The following ECSIT variants were observed in gnomAD, a reference collection of about 807,000 sequenced individuals.
ECSIT encodes the protein ECSIT signaling integrator.
A neutral mutation model predicts 36.8 loss-of-function variants in ECSIT; 29 were observed. The ratio of observed to expected loss-of-function variants is 0.79; its 90% CI spans 0.59 to 1.08. The LOEUF is 1.08. Ranked by LOEUF, ECSIT falls within the 50% of genes least tolerant of loss-of-function variation. The pLI is 0.00. For missense variants in ECSIT, 542 were observed against 581.0 expected (o/e 0.93, Z 0.69); for synonymous variants, 231 against 234.8 (o/e 0.98, Z 0.15).
Position 11,514,888 on chromosome 19 carries a change from C to T in ECSIT, c.97-667G>A, listed in dbSNP as rs140480898. Reference sequence around the variant, plus strand: ...GAGTCTCATTCTGTCACCCATGCTGCAGCGCAGTGGCGTGACCTCAGCCCA... The same window carrying T: ...GAGTCTCATTCTGTCACCCATGCTGTAGCGCAGTGGCGTGACCTCAGCCCA... On this transcript the variant is annotated intron_variant, in intron 2 of 7. Transcript: ENST00000270517. 2.4e-3 allele frequency among the ~76,000 whole-genome samples: 361 copies of T among 150,310 alleles called. 1 individual carries two copies. The highest frequency in any genetic ancestry group is 8.6e-3 in the African/African-American group (350 of 40,830).
intron 4 of ECSIT, among the ~76,000 whole-genome samples, chr19:11,511,657 T>C (rs1288040936): frequency 6.6e-6 from 1 of 152,028 alleles, no homozygotes; most frequent in Non-Finnish European, 1.5e-5. Context: ...TACAATGCAA[T>C]AGGATTAAGA....
At chr19:11,523,191 T>G (rs2145000029) in intron 1 of ECSIT, among the ~76,000 whole-genome samples, 1 of 152,300 alleles carries the variant, frequency 6.6e-6, no homozygotes, top group East Asian at 1.9e-4. Flanking sequence ...TTACTCAATG[T>G]GAAGACGATG....
intron 1 of ECSIT, chr19:11,523,900 G>T: frequency 2.4e-6 from 1 of 414,854 alleles, no homozygotes; most frequent in East Asian, 5.6e-5. Flanking sequence ...GAGACCTCTG[G>T]ACAACAGTGG....
intron 1 of ECSIT, among the ~76,000 whole-genome samples, chr19:11,527,083 T>G (rs995129486): frequency 1.3e-5 from 2 of 152,020 alleles, no homozygotes; most frequent in African/African-American, 4.8e-5. Context: ...TCCCAGCACT[T>G]TGGGAGGCTG....
At position 11,528,986 on chromosome 19, in the gene ECSIT, C is replaced by T. The variant is rs45527838; in HGVS notation, c.-24+76G>A. ...TGCAGCTGGGTCCCTCCAGGGCTGC[C>T]CTCTCGCGCTGCCGGGTCCTGAAGG... On this transcript the variant is annotated intron_variant, in intron 1 of 7. Transcript: ENST00000270517. 2.6e-5 allele frequency: 4 copies of T among 152,356 alleles called. No homozygotes were observed. In the East Asian group the frequency reaches 5.8e-4, roughly 22 times the overall value. The allele number at this position is 152,356 out of a possible 1,614,324, so 9.4% of individuals were successfully genotyped here. A position where few individuals can be genotyped will look rare whatever the true frequency, so the allele number is the denominator to read the frequency against.
rs1261431692 is a variant in ECSIT at position 11,506,137 on chromosome 19, T to G, written c.*47A>C. The G allele has an allele frequency of 6.3e-7, 1 of 1,594,152 alleles. No homozygotes were observed. Among genetic ancestry groups the G allele is most frequent in the African/African-American group, 1.3e-5 (1 of 74,772 alleles). On this transcript the variant is annotated 3_prime_UTR_variant, in exon 8 of 8. Coordinates refer to ENST00000270517, the MANE Select transcript of ECSIT (RefSeq NM_016581.5). ...CTCAAAGGGCATCTCATGCCTTCAG[T>G]CCACCGCCTCCTCGGGCCACAGCCC...
At chr19:11,526,475 C>A (rs745498880) in intron 1 of ECSIT, among the ~76,000 whole-genome samples, 1 of 152,188 alleles carries the variant, frequency 6.6e-6, no homozygotes, top group Non-Finnish European at 1.5e-5. Flanking sequence ...TCCATCCTAT[C>A]CAATCGCACC....
At chr19:11,525,006 G>A (rs1200974576) in intron 1 of ECSIT, among the ~76,000 whole-genome samples, 2 of 151,608 alleles carry the variant, frequency 1.3e-5, no homozygotes, top group Non-Finnish European at 2.9e-5. Context: ...ACAGGGTGGC[G>A]GGCGCCTATA....
intron 2 of ECSIT, among the ~76,000 whole-genome samples, chr19:11,517,102 G>T (rs944312301): frequency 5.9e-5 from 9 of 151,966 alleles, no homozygotes; most frequent in African/African-American, 2.2e-4. Context: ...CTAGGTGGGG[G>T]GTACTCTTAC....
Position 11,506,063 on chromosome 19 carries a change from G to T in ECSIT, c.*121C>A. The T allele has an allele frequency of 6.8e-7, 1 of 1,472,918 alleles. No individual in the cohort carries two copies. 91.2% of individuals were successfully genotyped at this position (1,472,918 alleles called of 1,614,324 possible). Reference sequence around the variant, plus strand: ...CTGGGGAGGGGATGCCATACTGCTAGAGATGAGGGAAGAGAGCCCCAAGCA... The same window carrying T: ...CTGGGGAGGGGATGCCATACTGCTATAGATGAGGGAAGAGAGCCCCAAGCA... On this transcript the variant is annotated 3_prime_UTR_variant, in exon 8 of 8. Transcript: ENST00000270517.
intron 2 of ECSIT, among the ~76,000 whole-genome samples, chr19:11,518,106 CACA>C (rs1270520385): frequency 6.7e-6 from 1 of 148,292 alleles, no homozygotes; most frequent in Non-Finnish European, 1.5e-5. Flanking sequence ...GTCTGGGCAA[CACA>C]ACAAGACCAT....
At position 11,519,164 on chromosome 19, in the gene ECSIT, A is replaced by G; in HGVS notation, c.7T>C (p.Trp3Arg). 2 of 1,549,814 alleles carry G rather than the reference A, an allele frequency of 1.3e-6. No individual in the cohort carries two copies. Among genetic ancestry groups the G allele is most frequent in the Non-Finnish European group, 1.7e-6 (2 of 1,146,884 alleles). The change falls in exon 2 of 8, where the codon TGG (tryptophan) becomes CGG (arginine). Residue 3 changes from tryptophan to arginine, a missense_variant. Trp to Arg is a moderately radical substitution (Grantham distance 101). Coordinates refer to ENST00000270517, the MANE Select transcript of ECSIT (RefSeq NM_016581.5). The surrounding 1 kb of genome is among the most constrained non-coding windows in gnomAD (Gnocchi z 4.4). MS[W>R]VQATLLARGL... ...CGGGCCAGTAGGGTGGCCTGGACCCAGCTCATGCCTCTGCTTGTCAGACAA... is the reference window on the plus strand; with the variant it reads ...CGGGCCAGTAGGGTGGCCTGGACCCGGCTCATGCCTCTGCTTGTCAGACAA...
At chr19:11,528,722 AC>A (rs1424232724) in intron 1 of ECSIT, 1 of 152,180 alleles carries the variant, frequency 6.6e-6, no homozygotes, top group Admixed American at 6.5e-5. Flanking sequence ...ATAAATCTGA[AC>A]CCCGAGGTAT....
chr19:11,512,952 C>G, intron 4 of ECSIT, 104 bp downstream of exon 4: 1 of 1,211,968 alleles, frequency 8.3e-7, no homozygotes, highest in Middle Eastern at 2.7e-4. Flanking sequence ...CAAAAAAGAA[C>G]TTGATTCACC....
chr19:11,523,188 A>G (rs575340235), intron 1 of ECSIT, among the ~76,000 whole-genome samples: 3 of 152,258 alleles, frequency 2.0e-5, no homozygotes, highest in South Asian at 4.1e-4. Flanking sequence ...AGCTTACTCA[A>G]TGTGAAGACG....
intron 7 of ECSIT, among the ~76,000 whole-genome samples, chr19:11,507,029 C>G (rs538150350): frequency 6.8e-4 from 104 of 152,304 alleles, no homozygotes; most frequent in African/African-American, 2.2e-3. Context: ...CTTGCTGACT[C>G]GAGGGACTAG....
At chr19:11,515,825 G>T (rs1971987503) in intron 2 of ECSIT, among the ~76,000 whole-genome samples, 1 of 152,152 alleles carries the variant, frequency 6.6e-6, no homozygotes, top group Non-Finnish European at 1.5e-5. Context: ...GTAGAGACAG[G>T]GTTTCACCAT....
chr19:11,514,899 C>T (rs1056891024), intron 2 of ECSIT, among the ~76,000 whole-genome samples: 3 of 150,500 alleles, frequency 2.0e-5, no homozygotes. Context: ...AGCGCAGTGG[C>T]GTGACCTCAG....
In ECSIT at chr19:11,519,692, G is replaced by T. The variant is rs1972063007; in HGVS notation, c.-23-499C>A. Among the ~76,000 whole-genome samples, 1 of 152,068 alleles carries T rather than the reference G, an allele frequency of 6.6e-6. No individual in the cohort carries two copies. Among genetic ancestry groups the T allele is most frequent in the African/African-American group, 2.4e-5 (1 of 41,406 alleles). On this transcript the variant is annotated intron_variant, in intron 1 of 7. Transcript: ENST00000270517. This position sits in a 1 kb window ranked among gnomAD's most constrained non-coding sequence, Gnocchi z 4.4. ...AACAAGAATCCCTGTACCTGGCCAGGCGCGGTGGCTCACGCCTGTAATCAC... is the reference window on the plus strand; with the variant it reads ...AACAAGAATCCCTGTACCTGGCCAGTCGCGGTGGCTCACGCCTGTAATCAC...
Sources: gnomAD v4.1 joint callset for allele counts (sites outside exome capture counted in the v4.1 genomes callset) on GRCh38, gnomAD v4.1.1 for gene constraint, Gnocchi (gnomAD v3.1) non-coding constraint, MANE v1.5 for transcripts, NCBI Gene and HGNC (gene_info 2026-07-23, HGNC 2026-07-21) for gene names.